Variants in ENPP3 observed in about 807,000 individuals in gnomAD.
ENPP3 encodes ectonucleotide pyrophosphatase/phosphodiesterase family member 3.
In ENPP3, 104 loss-of-function variants were observed where a neutral mutation model predicts 117.8. The ratio of observed to expected loss-of-function variants is 0.88; its 90% CI spans 0.75 to 1.04. The LOEUF is 1.04. ENPP3 is among the 50% of genes least tolerant of loss of function. The pLI, the probability that ENPP3 is intolerant of heterozygous loss-of-function variation, is 0.00. For missense variants in ENPP3, 1,026 were observed against 1,051.9 expected (o/e 0.98, Z 0.34); for synonymous variants, 380 against 349.9 (o/e 1.09, Z -0.96).
intron 7 of ENPP3, 109 bp downstream of exon 7, chr6:131,671,436 A>G: frequency 1.4e-6 from 1 of 706,366 alleles, no homozygotes; most frequent in Non-Finnish European, 2.5e-6. Context: ...CTTCTGAAGC[A>G]CATGGGGGGA....
At chr6:131,724,253 T>C (rs1348358402) in intron 19 of ENPP3, among the ~76,000 whole-genome samples, 162 bp downstream of exon 19, 2 of 111,702 alleles carry the variant, frequency 1.8e-5, no homozygotes, top group African/African-American at 1.1e-4. Flanking sequence ...ACAACAGATA[T>C]AATGACAACA....
intron 23 of ENPP3, among the ~76,000 whole-genome samples, chr6:131,739,859 C>G (rs1333614446): frequency 6.6e-6 from 1 of 150,748 alleles, no homozygotes; most frequent in Non-Finnish European, 1.5e-5. Flanking sequence ...TCATTTGAGC[C>G]CAGGAGTTTA....
At chr6:131,674,366 A>G (rs193031151) in intron 8 of ENPP3, 85 bp downstream of exon 8, 183 of 1,310,072 alleles carry the variant, frequency 1.4e-4, no homozygotes, top group Non-Finnish European at 1.3e-4. Context: ...CAGTGGAGCA[A>G]GTTCTATGTC....
At chr6:131,653,870 C>T (rs989304378) in intron 5 of ENPP3, among the ~76,000 whole-genome samples, 8 of 152,086 alleles carry the variant, frequency 5.3e-5, no homozygotes, top group African/African-American at 1.9e-4. Flanking sequence ...AGGTGACACT[C>T]CTACCCCACC....
In ENPP3 at chr6:131,677,793, C is replaced by T. The variant is rs564977337; in HGVS notation, c.939-75C>T. The T allele has an allele frequency of 6.1e-6, 6 of 977,718 alleles. No individual in the cohort carries two copies. In the South Asian group the frequency reaches 8.3e-5, roughly 14 times the overall value. 60.6% of individuals were successfully genotyped at this position (977,718 alleles called of 1,614,324 possible). ...AGGCAATGGCTAGCAAGCCCAAGAT[C>T]TACAAAATCCCCCAATCCAGCCTGT... On this transcript the variant is annotated intron_variant, in intron 10 of 24. Coordinates refer to ENST00000357639, the MANE Select transcript of ENPP3 (RefSeq NM_005021.5).
Position 131,671,324 on chromosome 6 carries a change from C to T in ENPP3, c.639C>T (p.Val213=), listed in dbSNP as rs1202946242. The T allele has an allele frequency of 1.9e-6, 3 of 1,585,378 alleles. No individual in the cohort carries two copies. The Admixed American group carries it at 5.0e-5, about 26-fold the overall frequency. ...TKTFPNHYTI[V]TGLYPESHGI... is the part of the protein sequence containing the mutation. ...CCTTCCCAAATCATTACACCATTGTCACGGTAAGTGCTTGACCCAGTGGTA... is the reference window on the plus strand; with the variant it reads ...CCTTCCCAAATCATTACACCATTGTTACGGTAAGTGCTTGACCCAGTGGTA... The change falls in exon 7 of 25, where the codon GTC becomes GTT. Residue 213 remains valine (V), a synonymous_variant. Transcript: ENST00000357639.
intron 15 of ENPP3, among the ~76,000 whole-genome samples, chr6:131,717,351 G>GTGTGTGTGT (rs1779917504): frequency 1.1e-5 from 1 of 89,422 alleles, no homozygotes; most frequent in Non-Finnish European, 2.0e-5. Context: ...CCCTGCGGGG[G>GTGTGTGTGT]GTGTGTGTGT....
intron 1 of ENPP3, among the ~76,000 whole-genome samples, chr6:131,639,970 A>C (rs753727828): frequency 6.6e-6 from 1 of 152,030 alleles, no homozygotes; most frequent in African/African-American, 2.4e-5. Context: ...TCTAAATAAT[A>C]ATAATAATAA....
intron 14 of ENPP3, among the ~76,000 whole-genome samples, chr6:131,688,374 A>G (rs1432281281): frequency 6.6e-6 from 1 of 152,214 alleles, no homozygotes; most frequent in East Asian, 1.9e-4. Flanking sequence ...ATAGTGACAC[A>G]TTTCTCATTT....
At chr6:131,652,733 G>A (rs1778290492) in intron 4 of ENPP3, 66 bp downstream of exon 4, 2 of 1,600,062 alleles carry the variant, frequency 1.2e-6, no homozygotes, top group African/African-American at 2.7e-5. Context: ...GTTTCCTAGA[G>A]CCATGCTAGG....
At chr6:131,694,503 T>G (rs1054840883) in intron 15 of ENPP3, among the ~76,000 whole-genome samples, 6 of 152,152 alleles carry the variant, frequency 3.9e-5, no homozygotes, top group East Asian at 1.9e-4. Context: ...CTATTTAATA[T>G]GTATGAATGT....
In ENPP3 at chr6:131,678,941, CTTT is replaced by C. The variant is rs1778939615; in HGVS notation, c.1011+1002_1011+1004del. On this transcript the variant is annotated intron_variant, in intron 11 of 24. Coordinates refer to ENST00000357639, the MANE Select transcript of ENPP3 (RefSeq NM_005021.5). ...TCTTTCTTTCTTTCTTTCTTTCTTTCTTTCTTTCTTTCTTTCTTTCCTTCCTTC... is the reference window on the plus strand; with the variant it reads ...TCTTTCTTTCTTTCTTTCTTTCTTTCCTTTCTTTCTTTCTTTCCTTCCTTC... Among the ~76,000 whole-genome samples the C allele has an allele frequency of 4.2e-4, 40 of 94,294 alleles. 1 individual carries two copies. The highest frequency in any genetic ancestry group is 1.8e-3 in the Admixed American group (16 of 8,990). 61.9% of individuals were successfully genotyped at this position (94,294 alleles called of 152,430 possible). A position where few individuals can be genotyped will look rare whatever the true frequency, so the allele number is the denominator to read the frequency against.
At chr6:131,679,624 C>T (rs1778979664) in intron 11 of ENPP3, among the ~76,000 whole-genome samples, 1 of 150,298 alleles carries the variant, frequency 6.7e-6, no homozygotes, top group Non-Finnish European at 1.5e-5. Flanking sequence ...AGAGATCTAT[C>T]TAGGCAGTCT....
intron 20 of ENPP3, among the ~76,000 whole-genome samples, chr6:131,728,278 G>A (rs1462912127): frequency 6.6e-6 from 1 of 152,144 alleles, no homozygotes; most frequent in Non-Finnish European, 1.5e-5. Flanking sequence ...TTCCAGGTAT[G>A]AGGGGTTGTG....
chr6:131,695,169 T>G (rs1779377356), intron 15 of ENPP3, among the ~76,000 whole-genome samples: 1 of 152,164 alleles, frequency 6.6e-6, no homozygotes, highest in African/African-American at 2.4e-5. Flanking sequence ...TAATATTAAG[T>G]ACATACAACT....
In ENPP3 at chr6:131,700,485, A is replaced by G. The variant is rs755525857; in HGVS notation, c.1412+6861A>G. 8.3e-5 allele frequency: 96 copies of G among 1,149,854 alleles called. 5 individuals carry two copies. Among genetic ancestry groups the G allele is most frequent in the Non-Finnish European group, 4.7e-6 (4 of 851,710 alleles). The allele number at this position is 1,149,854 out of a possible 1,614,324, so 71.2% of individuals were successfully genotyped here. ...TAATCCTTTTCATAAAGCCCTTTCT[A>G]CTCCCAGCACTCTCTTCAAAGTATT... is the stretch of plus-strand genomic sequence containing the variant. On this transcript the variant is annotated intron_variant, in intron 15 of 24. Coordinates refer to ENST00000357639, the MANE Select transcript of ENPP3 (RefSeq NM_005021.5).
At chr6:131,737,555 G>T in intron 22 of ENPP3, 123 bp downstream of exon 22, 1 of 630,684 alleles carries the variant, frequency 1.6e-6, no homozygotes, top group African/African-American at 1.9e-5. Context: ...TGTTCTAATG[G>T]TTTAAATATA....
chr6:131,666,963 G>A (rs1186320529), intron 6 of ENPP3, among the ~76,000 whole-genome samples: 1 of 152,144 alleles, frequency 6.6e-6, no homozygotes, highest in East Asian at 1.9e-4. Context: ...CAAGTGTCTA[G>A]AGTATGCTAG....
intron 15 of ENPP3, among the ~76,000 whole-genome samples, chr6:131,718,221 A>G (rs17060590): frequency 0.029 from 4,479 of 152,330 alleles, 200 homozygotes; most frequent in African/African-American, 0.094. Context: ...CCCCAGTTGC[A>G]AAGATTTATT....
Sources: allele counts gnomAD v4.1 joint callset (sites outside exome capture counted in the v4.1 genomes callset), GRCh38; gene constraint gnomAD v4.1.1; transcripts MANE v1.5; gene names NCBI Gene and HGNC (gene_info 2026-07-23, HGNC 2026-07-21).